The following KLHL8 variants were observed in gnomAD, a reference collection of about 807,000 sequenced individuals.
KLHL8 encodes kelch like family member 8.
In KLHL8, 38 loss-of-function variants were observed where a neutral mutation model predicts 63.5. The observed-to-expected ratio is 0.60, with a 90% CI of 0.46 to 0.78. The LOEUF (loss-of-function observed/expected upper bound fraction) is 0.78. Among genes scored for constraint, KLHL8 ranks in the 30% least tolerant of loss-of-function variants. KLHL8 has a pLI of 0.00. For missense variants in KLHL8, 566 were observed against 752.4 expected (o/e 0.75, Z 2.90); for synonymous variants, 224 against 254.3 (o/e 0.88, Z 1.13).
At chr4:87,180,031 C>T (rs981060454) in intron 4 of KLHL8, among the ~76,000 whole-genome samples, 2 of 152,156 alleles carry the variant, frequency 1.3e-5, no homozygotes, top group Admixed American at 6.5e-5. Context: ...ATACTTTGAG[C>T]AGCAAAGGCT....
chr4:87,217,866 A>G (rs1200794493), intron 1 of KLHL8, among the ~76,000 whole-genome samples: 1 of 152,200 alleles, frequency 6.6e-6, no homozygotes, highest in African/African-American at 2.4e-5. Context: ...CATTCAATTT[A>G]TAAAACACAA....
Position 87,170,558 on chromosome 4 carries a change from A to T in KLHL8, c.1266T>A (p.Asp422Glu). Reference protein sequence around the residue: ...GGPIYAIGGLDDNTCFNDVER... With the variant: ...GGPIYAIGGLEDNTCFNDVER... ...CCACATCATTGAAGCAAGTATTGTC[A>T]TCTAACCCTCCAATTGCATAAATTG... The change falls in exon 7 of 10, where the codon GAT (aspartate) becomes GAA (glutamate). Residue 422 changes from aspartate to glutamate, a missense_variant. Asp to Glu is a conservative substitution (Grantham distance 45). Transcript: ENST00000273963. 4.3e-6 allele frequency: 7 copies of T among 1,614,076 alleles called. No homozygotes were observed. The highest frequency in any genetic ancestry group is 5.9e-6 in the Non-Finnish European group (7 of 1,179,966).
chr4:87,168,280 G>A (rs573406763), intron 8 of KLHL8, among the ~76,000 whole-genome samples: 4 of 152,206 alleles, frequency 2.6e-5, no homozygotes, highest in Admixed American at 2.0e-4. Context: ...CTTCCTTGAG[G>A]GAACTATGAG....
chr4:87,235,937 T>C (rs914033878), intron 1 of KLHL8, among the ~76,000 whole-genome samples: 4 of 152,042 alleles, frequency 2.6e-5, no homozygotes, highest in African/African-American at 4.8e-5. Context: ...GAAGGCGCCA[T>C]TGGAAACGTT....
chr4:87,179,583 T>A (rs890738073), intron 4 of KLHL8, among the ~76,000 whole-genome samples: 3 of 152,060 alleles, frequency 2.0e-5, no homozygotes, highest in Admixed American at 6.6e-5. Context: ...GAAACCAGCC[T>A]GGGCAACAGA....
At position 87,190,106 on chromosome 4, in the gene KLHL8, C is replaced by G. The variant is rs530705525; in HGVS notation, c.217-4307G>C. ...TTAGTATTATTAACCATTATATATA[C>G]AGGAAAATTTTCCATATCAGTTGAA... On this transcript the variant is annotated intron_variant, in intron 2 of 9. Transcript: ENST00000273963. 8.3e-4 allele frequency among the ~76,000 whole-genome samples: 124 copies of G among 149,228 alleles called. 1 individual carries two copies. Among genetic ancestry groups the G allele is most frequent in the Non-Finnish European group, 9.8e-4 (66 of 67,302 alleles).
intron 1 of KLHL8, among the ~76,000 whole-genome samples, chr4:87,214,723 T>C (rs565455465): frequency 9.4e-4 from 143 of 151,944 alleles, no homozygotes; most frequent in Non-Finnish European, 1.7e-3. Flanking sequence ...TAAATGACAA[T>C]GAGAACCAAA....
At position 87,170,156 on chromosome 4, in the gene KLHL8, C is replaced by T; in HGVS notation, c.1460G>A (p.Trp487Ter). The change falls in exon 8 of 10, where the codon TGG becomes TAG. Residue 487 changes from tryptophan to a stop codon, truncating the protein, a stop_gained. Coordinates refer to ENST00000273963, the MANE Select transcript of KLHL8 (RefSeq NM_020803.5). LOFTEE classifies it high-confidence loss of function. ...VERYDPHLDK[W>*]IEVKEMGQRR... The stretch of plus-strand genomic sequence containing the variant: ...CTGACCCATTTCTTTAACTTCTATC[C>T]ACTTATCCAGATGTGGATCATATCT... 2 of 1,614,098 alleles carry T rather than the reference C, an allele frequency of 1.2e-6. No homozygotes were observed. The highest frequency in any genetic ancestry group is 1.7e-6 in the Non-Finnish European group (2 of 1,179,968).
chr4:87,167,382 C>T (rs1730443982), intron 8 of KLHL8: 1 of 446,000 alleles, frequency 2.2e-6, no homozygotes, highest in South Asian at 1.8e-5. Flanking sequence ...TTTTATTCAT[C>T]CTGGTCATGG....
In KLHL8 at chr4:87,229,598, A is replaced by C. The variant is rs1487450458; in HGVS notation, n.58-8208T>G. ...AGGTGCATGCCATCATGCATGGCTAATTTTTGTAATTTTTGGTAGAGATGG... is the reference window on the plus strand; with the variant it reads ...AGGTGCATGCCATCATGCATGGCTACTTTTTGTAATTTTTGGTAGAGATGG... On this transcript the variant is annotated intron_variant and non_coding_transcript_variant, in intron 1 of 1. Coordinates refer to the KLHL8 transcript ENST00000506274. 4.7e-5 allele frequency among the ~76,000 whole-genome samples: 7 copies of C among 147,490 alleles called. No individual in the cohort carries two copies. In the East Asian group the frequency reaches 1.4e-3, roughly 30 times the overall value.
Position 87,195,404 on chromosome 4 carries a change from C to A in KLHL8, c.136G>T (p.Ala46Ser). The A allele has an allele frequency of 6.2e-7, 1 of 1,613,718 alleles. No individual in the cohort carries two copies. The highest frequency in any genetic ancestry group is 1.7e-4 in the Middle Eastern group (1 of 5,948). The stretch of plus-strand genomic sequence containing the variant: ...TGAAAATCTTTCCAAGCTTCATTTG[C>A]TTCAAAAATAAAGGAATCTTCTCCA... ...GDGEDSFIFEANEAWKDFHGS... is the reference protein window; with the variant it reads ...GDGEDSFIFESNEAWKDFHGS... The change falls in exon 2 of 10, where the codon GCA becomes TCA. Residue 46 changes from alanine to serine, a missense_variant. Ala to Ser is a moderately conservative substitution (Grantham distance 99). Coordinates refer to ENST00000273963, the MANE Select transcript of KLHL8 (RefSeq NM_020803.5).
At chr4:87,222,507 C>G (rs1258101161), upstream of KLHL8, among the ~76,000 whole-genome samples, 1 of 152,146 alleles carries the variant, frequency 6.6e-6, no homozygotes, top group African/African-American at 2.4e-5. Context: ...AGTGAACCTT[C>G]CAAGGGAAAA....
chr4:87,176,689 AAGGCCTTTAAATTTTAAGAAAC>A, intron 6 of KLHL8, 46 bp downstream of exon 6: 1 of 839,168 alleles, frequency 1.2e-6, no homozygotes, highest in Non-Finnish European at 1.9e-6. Flanking sequence ...AGTTTAAAAT[AAGGCCTTTAAATTTTAAGAAAC>A]TTTATTTCCA....
intron 4 of KLHL8, among the ~76,000 whole-genome samples, chr4:87,180,638 C>A (rs987179125): frequency 6.6e-6 from 1 of 152,194 alleles, no homozygotes; most frequent in Non-Finnish European, 1.5e-5. Flanking sequence ...GAGCCTTTCA[C>A]ATGGTAGGCA....
Position 87,198,579 on chromosome 4 carries a change from C to T in KLHL8, c.-151-2889G>A, listed in dbSNP as rs577148070. 2.0e-5 allele frequency among the ~76,000 whole-genome samples: 3 copies of T among 152,254 alleles called. No individual in the cohort carries two copies. In the South Asian group the frequency reaches 6.2e-4, roughly 32 times the overall value. ...AAAAAGCCATGCAGTATGATTCTAT[C>T]TATATAACATTCTCAAAATGACAAA... On this transcript the variant is annotated intron_variant, in intron 1 of 9. Coordinates refer to ENST00000273963, the MANE Select transcript of KLHL8 (RefSeq NM_020803.5).
chr4:87,183,147 A>G (rs761430894), intron 4 of KLHL8, 56 bp downstream of exon 4: 92 of 1,316,728 alleles, frequency 7.0e-5, no homozygotes, highest in Admixed American at 2.5e-4. Flanking sequence ...ACACATGAAC[A>G]ACCCTCAAAT....
chr4:87,199,129 G>C (rs567811370), intron 1 of KLHL8, among the ~76,000 whole-genome samples: 1 of 151,990 alleles, frequency 6.6e-6, no homozygotes, highest in Non-Finnish European at 1.5e-5. Context: ...ACACAAATAG[G>C]TTAAAGGAAT....
chr4:87,191,399 T>C (rs1357293887), intron 2 of KLHL8, among the ~76,000 whole-genome samples: 1 of 151,938 alleles, frequency 6.6e-6, no homozygotes, highest in Admixed American at 6.6e-5. Context: ...GAGGTGGAGG[T>C]TGCCATGACC....
intron 2 of KLHL8, among the ~76,000 whole-genome samples, chr4:87,190,671 T>C (rs934837960): frequency 6.6e-6 from 1 of 151,492 alleles, no homozygotes; most frequent in African/African-American, 2.4e-5. Flanking sequence ...GCTTACTGTT[T>C]AGTCTATTCA....
Sources: gnomAD v4.1 joint callset for allele counts (sites outside exome capture counted in the v4.1 genomes callset) on GRCh38, gnomAD v4.1.1 for gene constraint, MANE v1.5 for transcripts, NCBI Gene and HGNC (gene_info 2026-07-23, HGNC 2026-07-21) for gene names.